Variants in RAB22A observed in about 807,000 individuals in gnomAD.
RAB22A encodes the protein ras-related protein Rab-22A.
In RAB22A, 13 loss-of-function variants were observed where a neutral mutation model predicts 30.2. The ratio of observed to expected loss-of-function variants is 0.43; its 90% CI spans 0.28 to 0.68. RAB22A has a LOEUF of 0.68. Ranked by LOEUF, RAB22A falls within the 30% of genes least tolerant of loss-of-function variation. The pLI is 0.18. For synonymous variants in RAB22A, 89 were observed against 87.2 expected (o/e 1.02, Z -0.11); for missense variants, 177 against 246.8 (o/e 0.72, Z 1.89).
intron 3 of RAB22A, among the ~76,000 whole-genome samples, chr20:58,352,021 T>A (rs1987058866): frequency 6.6e-6 from 1 of 152,048 alleles, no homozygotes; most frequent in Admixed American, 6.5e-5. Flanking sequence ...ACCCATGTGG[T>A]TATATAATAT....
chr20:58,314,900 G>A (rs754903393), intron 2 of RAB22A, among the ~76,000 whole-genome samples: 10 of 152,118 alleles, frequency 6.6e-5, no homozygotes, highest in Non-Finnish European at 8.8e-5. Context: ...GTTGGTGGTG[G>A]TGAGGGACGG....
At chr20:58,327,878 C>G (rs963276704) in intron 2 of RAB22A, among the ~76,000 whole-genome samples, 2 of 152,140 alleles carry the variant, frequency 1.3e-5, no homozygotes, top group Admixed American at 1.3e-4. Context: ...GACTGAGAAA[C>G]TGATCCAGAT....
chr20:58,346,334 T>C (rs1452500373), intron 3 of RAB22A, among the ~76,000 whole-genome samples: 2 of 152,160 alleles, frequency 1.3e-5, no homozygotes, highest in Non-Finnish European at 2.9e-5. Flanking sequence ...GCACCTCTCA[T>C]AACAGCCACA....
chr20:58,321,042 T>C (rs1986448018), intron 2 of RAB22A, among the ~76,000 whole-genome samples: 1 of 151,982 alleles, frequency 6.6e-6, no homozygotes. Flanking sequence ...ATACAAAAAT[T>C]AGCTGGGCGT....
chr20:58,349,384 G>A (rs1987006031), intron 3 of RAB22A, among the ~76,000 whole-genome samples: 1 of 152,192 alleles, frequency 6.6e-6, no homozygotes, highest in South Asian at 2.1e-4. Context: ...AGGACTGCTA[G>A]AGCAGCCAGA....
At chr20:58,317,221 CGAGTAGCTGG>C (rs1986359763) in intron 2 of RAB22A, among the ~76,000 whole-genome samples, 2 of 152,010 alleles carry the variant, frequency 1.3e-5, no homozygotes, top group South Asian at 4.1e-4. Flanking sequence ...TTCGACCTCC[CGAGTAGCTGG>C]GATTACAGGC....
chr20:58,310,181 T>G (rs192228702), intron 1 of RAB22A, among the ~76,000 whole-genome samples, 169 bp downstream of exon 1: 1 of 146,128 alleles, frequency 6.8e-6, no homozygotes, highest in African/African-American at 2.6e-5. Flanking sequence ...CCTCTTGCAC[T>G]CTCGAAAAGG....
chr20:58,352,671 G>C (rs953885800), intron 3 of RAB22A, among the ~76,000 whole-genome samples: 1 of 152,150 alleles, frequency 6.6e-6, no homozygotes, highest in Non-Finnish European at 1.5e-5. Flanking sequence ...GGGTGACCAG[G>C]GTGATGAGTG....
At position 58,363,813 on chromosome 20, in the gene RAB22A, T is replaced by C. The variant is rs1195609259; in HGVS notation, c.*4110T>C. 2.0e-5 allele frequency: 3 copies of C among 152,206 alleles called. No homozygotes were observed. Among genetic ancestry groups the C allele is most frequent in the East Asian group, 1.9e-4 (1 of 5,204 alleles). 9.4% of individuals were successfully genotyped at this position (152,206 alleles called of 1,614,324 possible). ...TCAAGGTAATGTTTAGGATATTTGT[T>C]TTAACTCCTGCTGTGCTGTGATTTA... On this transcript the variant is annotated 3_prime_UTR_variant, in exon 7 of 7. Coordinates refer to ENST00000244040, the MANE Select transcript of RAB22A (RefSeq NM_020673.3).
intron 2 of RAB22A, among the ~76,000 whole-genome samples, chr20:58,320,534 A>G (rs974446821): frequency 6.6e-6 from 1 of 152,136 alleles, no homozygotes; most frequent in Admixed American, 6.5e-5. Flanking sequence ...TCGTCTTCTC[A>G]AAGAACCAGT....
intron 2 of RAB22A, among the ~76,000 whole-genome samples, chr20:58,343,219 C>G (rs1001364144): frequency 3.3e-5 from 5 of 152,204 alleles, no homozygotes; most frequent in African/African-American, 1.2e-4. Context: ...CATCTTCCTG[C>G]TCCTTGTTCA....
chr20:58,347,592 C>T (rs116208573), intron 3 of RAB22A, among the ~76,000 whole-genome samples: 2 of 152,164 alleles, frequency 1.3e-5, no homozygotes, highest in African/African-American at 4.8e-5. Flanking sequence ...GCCAAGTTAT[C>T]AATCAAGTTC....
intron 6 of RAB22A, among the ~76,000 whole-genome samples, chr20:58,356,865 C>T (rs1373660527): frequency 2.0e-5 from 3 of 152,100 alleles, no homozygotes; most frequent in Non-Finnish European, 2.9e-5. Context: ...CCGAGTTGTG[C>T]GGGTAAGGGG....
chr20:58,330,062 T>C (rs1354032583), intron 2 of RAB22A, among the ~76,000 whole-genome samples: 1 of 152,202 alleles, frequency 6.6e-6, no homozygotes, highest in East Asian at 1.9e-4. Flanking sequence ...TTACAGTGTA[T>C]TAGGTATTGT....
chr20:58,336,448 G>A (rs2122951159), intron 2 of RAB22A, among the ~76,000 whole-genome samples: 1 of 152,216 alleles, frequency 6.6e-6, no homozygotes, highest in Non-Finnish European at 1.5e-5. Flanking sequence ...CTCTACTTCT[G>A]TCCTGGAGGA....
At chr20:58,314,853 AAAG>A (rs1418164504) in intron 2 of RAB22A, among the ~76,000 whole-genome samples, 1 of 152,122 alleles carries the variant, frequency 6.6e-6, no homozygotes, top group African/African-American at 2.4e-5. Context: ...AAAAAAAAGA[AAAG>A]AAAAAAAAGT....
At chr20:58,358,932 T>G (rs1429662667) in intron 6 of RAB22A, among the ~76,000 whole-genome samples, 2 of 151,162 alleles carry the variant, frequency 1.3e-5, no homozygotes, top group Non-Finnish European at 2.9e-5. Flanking sequence ...TCTTTCTCCA[T>G]GTACTATGAT....
intron 2 of RAB22A, among the ~76,000 whole-genome samples, chr20:58,317,424 GTTTC>G (rs2122926055): frequency 6.6e-6 from 1 of 151,944 alleles, no homozygotes; most frequent in African/African-American, 2.4e-5. Context: ...TCTCTGATCT[GTTTC>G]TTCATAAGCA....
Position 58,333,570 on chromosome 20 carries a change from A to G in RAB22A, c.117-10148A>G, listed in dbSNP as rs1295052730. On this transcript the variant is annotated intron_variant, in intron 2 of 6. Coordinates refer to ENST00000244040, the MANE Select transcript of RAB22A (RefSeq NM_020673.3). The stretch of plus-strand genomic sequence containing the variant: ...ATATGAAGAAGTTAAGTAACAGGCA[A>G]CAGGAGCACAATGGATGGGAGGGAA... 3.9e-5 allele frequency among the ~76,000 whole-genome samples: 6 copies of G among 152,352 alleles called. No individual in the cohort carries two copies. The South Asian group carries it at 8.3e-4, about 21-fold the overall frequency.
Sources: gnomAD v4.1 joint callset for allele counts (sites outside exome capture counted in the v4.1 genomes callset) on GRCh38, gnomAD v4.1.1 for gene constraint, MANE v1.5 for transcripts, NCBI Gene and HGNC (gene_info 2026-07-23, HGNC 2026-07-21) for gene names.